TMEM156: variants seen among roughly 807,000 people sequenced by gnomAD.
The protein encoded by TMEM156 is transmembrane protein 156.
TMEM156 carries 28 observed loss-of-function variants against 30.5 expected under a neutral mutation model. That is an observed-to-expected ratio of 0.92 (90% CI 0.68 to 1.26). TMEM156 has a LOEUF of 1.26. Ranked by LOEUF, TMEM156 falls within the 50% of genes most tolerant of loss-of-function variation. The probability of loss-of-function intolerance (pLI) is 0.00; values close to 1 mark genes in which losing one functional copy is unlikely to be tolerated. For synonymous variants in TMEM156, 137 were observed against 119.9 expected (o/e 1.14, Z -0.93); for missense variants, 351 against 340.6 (o/e 1.03, Z -0.24).
chr4:39,020,226 T>G (rs79251295), intron 1 of TMEM156, among the ~76,000 whole-genome samples: 4,367 of 152,284 alleles, frequency 0.029, 211 homozygotes, highest in African/African-American at 0.1. Flanking sequence ...TTACATTGAT[T>G]CCATATCTGG....
chr4:39,013,668 G>T (rs964206880), intron 1 of TMEM156, among the ~76,000 whole-genome samples: 3 of 151,968 alleles, frequency 2.0e-5, no homozygotes. Flanking sequence ...CCAAAGTGCC[G>T]GGATTACAGT....
chr4:38,971,950 C>T (rs1722617814), intron 5 of TMEM156, among the ~76,000 whole-genome samples: 2 of 152,000 alleles, frequency 1.3e-5, no homozygotes, highest in East Asian at 1.9e-4. Flanking sequence ...CCACCATGCC[C>T]GGCTAATTTT....
intron 4 of TMEM156, among the ~76,000 whole-genome samples, chr4:38,987,762 T>C (rs1260662891): frequency 6.6e-6 from 1 of 152,242 alleles, no homozygotes; most frequent in African/African-American, 2.4e-5. Flanking sequence ...ACAGAGGATG[T>C]AAGGGATGCT....
At chr4:39,022,483 C>T (rs565574181) in intron 1 of TMEM156, among the ~76,000 whole-genome samples, 12 of 152,272 alleles carry the variant, frequency 7.9e-5, no homozygotes, top group African/African-American at 2.2e-4. Flanking sequence ...CTTAGCCATA[C>T]GTATTTATAA....
intron 5 of TMEM156, among the ~76,000 whole-genome samples, chr4:38,977,223 G>A (rs1368022158): frequency 2.0e-5 from 3 of 152,072 alleles, no homozygotes; most frequent in Non-Finnish European, 4.4e-5. Context: ...TCTTTATAAA[G>A]GTTAAGATAT....
chr4:38,976,216 G>A (rs781736865), intron 5 of TMEM156, among the ~76,000 whole-genome samples: 9 of 150,670 alleles, frequency 6.0e-5, no homozygotes, highest in Non-Finnish European at 1.0e-4. Flanking sequence ...CAACTCACTC[G>A]GGAGGCGGAA....
intron 3 of TMEM156, among the ~76,000 whole-genome samples, chr4:38,989,444 A>G (rs1234981995): frequency 1.3e-5 from 2 of 152,258 alleles, no homozygotes; most frequent in African/African-American, 4.8e-5. Flanking sequence ...TGAGGCATAT[A>G]AGTGGCCAGG....
At position 38,993,817 on chromosome 4, in the gene TMEM156, C is replaced by T. The variant is rs368399518; in HGVS notation, c.540G>A (p.Ser180=). The T allele has an allele frequency of 5.0e-5, 81 of 1,613,802 alleles. No homozygotes were observed. Among genetic ancestry groups the T allele is most frequent in the Middle Eastern group, 3.3e-4 (2 of 6,080 alleles). The change falls in exon 3 of 7, where the codon TCG becomes TCA. Residue 180 remains serine (S), a synonymous_variant. Transcript: ENST00000381938. ...CCATGATTCTACAAGTGTAGTTTATCGATTTCTCCTTGCTTGGCTCATCCT... is the reference window on the plus strand; with the variant it reads ...CCATGATTCTACAAGTGTAGTTTATTGATTTCTCCTTGCTTGGCTCATCCT... ...IMEDEPSKEK[S]INYTCRIMEY...
At chr4:38,987,816 T>G (rs976132253) in intron 4 of TMEM156, among the ~76,000 whole-genome samples, 6 of 152,212 alleles carry the variant, frequency 3.9e-5, no homozygotes, top group Non-Finnish European at 5.9e-5. Context: ...AGCTAGTAAG[T>G]GGTAGTACTA....
At chr4:39,020,513 G>T (rs1430646738) in intron 1 of TMEM156, among the ~76,000 whole-genome samples, 1 of 151,980 alleles carries the variant, frequency 6.6e-6, no homozygotes, top group African/African-American at 2.4e-5. Flanking sequence ...TGGGACTACA[G>T]GTGCATGTCA....
chr4:38,983,367 C>T (rs1043238169), intron 5 of TMEM156, among the ~76,000 whole-genome samples: 4 of 152,174 alleles, frequency 2.6e-5, no homozygotes, highest in African/African-American at 7.2e-5. Context: ...ATGGTCAACT[C>T]ATTAAGCACT....
intron 5 of TMEM156, among the ~76,000 whole-genome samples, chr4:38,971,780 T>G (rs1722605362): frequency 6.6e-6 from 1 of 152,102 alleles, no homozygotes; most frequent in African/African-American, 2.4e-5. Context: ...ACAGGTGAAA[T>G]TGAGGTGACC....
At chr4:39,026,165 G>A (rs1715191228) in intron 1 of TMEM156, among the ~76,000 whole-genome samples, 1 of 152,092 alleles carries the variant, frequency 6.6e-6, no homozygotes, top group Non-Finnish European at 1.5e-5. Flanking sequence ...TAAAATATAA[G>A]TGATAGGAGA....
At chr4:38,990,832 T>G (rs1475576576) in intron 3 of TMEM156, among the ~76,000 whole-genome samples, 2 of 66,394 alleles carry the variant, frequency 3.0e-5, no homozygotes, top group African/African-American at 4.6e-5. Flanking sequence ...GTTTTCTGGT[T>G]TTTTTTTTTT....
At chr4:38,990,842 T>G (rs1213954137) in intron 3 of TMEM156, among the ~76,000 whole-genome samples, 2 of 132,886 alleles carry the variant, frequency 1.5e-5, no homozygotes, top group African/African-American at 5.6e-5. Flanking sequence ...TTTTTTTTTT[T>G]TTTTTTTTTT....
At chr4:38,989,172 G>A (rs1712237876) in intron 3 of TMEM156, among the ~76,000 whole-genome samples, 2 of 152,198 alleles carry the variant, frequency 1.3e-5, no homozygotes, top group South Asian at 4.1e-4. Flanking sequence ...GTAAACTTGA[G>A]TAGGTAGCTT....
chr4:38,976,818 G>T (rs1262522791), intron 5 of TMEM156, among the ~76,000 whole-genome samples: 1 of 152,222 alleles, frequency 6.6e-6, no homozygotes, highest in Non-Finnish European at 1.5e-5. Context: ...GCACATTAAA[G>T]CTTCAGAATG....
chr4:39,006,047 C>T (rs190046661), intron 1 of TMEM156, among the ~76,000 whole-genome samples: 1,992 of 152,228 alleles, frequency 0.013, 46 homozygotes, highest in African/African-American at 0.046. Flanking sequence ...AGGCATCTGC[C>T]GCCATGCCTG....
chr4:38,977,293 G>A (rs537909299), intron 5 of TMEM156, among the ~76,000 whole-genome samples: 3 of 152,270 alleles, frequency 2.0e-5, no homozygotes, highest in Non-Finnish European at 2.9e-5. Flanking sequence ...AGTTCTTTTC[G>A]TTGAAAAGCC....
Sources: gnomAD v4.1 joint callset for allele counts (sites outside exome capture counted in the v4.1 genomes callset) on GRCh38, gnomAD v4.1.1 for gene constraint, MANE v1.5 for transcripts, NCBI Gene and HGNC (gene_info 2026-07-23, HGNC 2026-07-21) for gene names.